Variants in RND1 observed in about 807,000 individuals in gnomAD.
RND1 encodes rho-related GTP-binding protein Rho6.
RND1 carries 9 observed loss-of-function variants against 27.1 expected under a neutral mutation model. The observed-to-expected ratio is 0.33, with a 90% confidence interval of 0.20 to 0.58. The LOEUF (loss-of-function observed/expected upper bound fraction) is 0.58. Ranked by LOEUF, RND1 falls within the 20% of genes least tolerant of loss-of-function variation. RND1 has a pLI of 0.86. For missense variants in RND1, 253 were observed against 292.2 expected, an observed-to-expected ratio of 0.87 and a Z score of 0.98; for synonymous variants, 108 against 115.7, an observed-to-expected ratio of 0.93 and a Z score of 0.43.
chr12:48,859,094 G>A (rs574442842), intron 4 of RND1: 1 of 151,420 alleles, frequency 6.6e-6, no homozygotes, highest in African/African-American at 2.4e-5. Context: ...GAGTAGCTGG[G>A]ACTACAGGCA....
Position 48,857,975 on chromosome 12 carries a change from C to T in RND1, c.*21G>A, listed in dbSNP as rs754874121. 6.4e-7 allele frequency: 1 copy of T among 1,571,338 alleles called. No individual in the cohort carries two copies. The highest frequency in any genetic ancestry group is 8.6e-7 in the Non-Finnish European group (1 of 1,158,324). On this transcript the variant is annotated 3_prime_UTR_variant, in exon 5 of 5. Coordinates refer to ENST00000309739, the MANE Select transcript of RND1 (RefSeq NM_014470.4). Reference sequence around the variant, plus strand: ...CCCAAGGGAGGAAGTAGGGGGTTGTCTCCCCCCTCCAATTTCCACTTCACA... The same window carrying T: ...CCCAAGGGAGGAAGTAGGGGGTTGTTTCCCCCCTCCAATTTCCACTTCACA...
intron 4 of RND1, among the ~76,000 whole-genome samples, chr12:48,860,363 G>A (rs1003810772): frequency 7.9e-5 from 12 of 151,828 alleles, no homozygotes; most frequent in African/African-American, 2.9e-4. Flanking sequence ...GATTACAGGC[G>A]TGAGCCACCG....
intron 1 of RND1, 126 bp from the exon 2 acceptor site, chr12:48,864,996 G>A (rs1337327288): frequency 5.3e-6 from 4 of 761,772 alleles, no homozygotes; most frequent in Non-Finnish European, 9.4e-6. Flanking sequence ...CAGAGGAGAT[G>A]CCTGGGGCAG....
Position 48,857,935 on chromosome 12 carries a change from C to T in RND1, c.*61G>A. The T allele has an allele frequency of 6.5e-7, 1 of 1,528,168 alleles. No homozygotes were observed. Among genetic ancestry groups the T allele is most frequent in the Non-Finnish European group, 8.8e-7 (1 of 1,138,338 alleles). 94.7% of individuals were successfully genotyped at this position (1,528,168 alleles called of 1,614,324 possible). On this transcript the variant is annotated 3_prime_UTR_variant, in exon 5 of 5. Coordinates refer to ENST00000309739, the MANE Select transcript of RND1 (RefSeq NM_014470.4). ...CCTAAATTGTCTCATCCTCCCTCTC[C>T]CCGTGCCTCTGCACCCCAAGGGAGG... is the stretch of plus-strand genomic sequence containing the variant.
At chr12:48,858,922 A>G (rs926399048) in intron 4 of RND1, 1 of 146,572 alleles carries the variant, frequency 6.8e-6, no homozygotes, top group African/African-American at 2.5e-5. Flanking sequence ...AATTCTGGGT[A>G]TAGAGCCAAG....
Position 48,857,906 on chromosome 12 carries a change from G to T in RND1, c.*90C>A. The T allele has an allele frequency of 8.2e-6, 12 of 1,463,470 alleles. No individual in the cohort carries two copies. Among genetic ancestry groups the T allele is most frequent in the Non-Finnish European group, 1.0e-5 (11 of 1,090,206 alleles). The allele number at this position is 1,463,470 out of a possible 1,614,324, so 90.7% of individuals were successfully genotyped here. ...TGGCCATCTGAAAAACTCATGTCCA[G>T]TGTCCTAAATTGTCTCATCCTCCCT... On this transcript the variant is annotated 3_prime_UTR_variant, in exon 5 of 5. Transcript: ENST00000309739.
rs746520280 is a variant in RND1 at position 48,858,150 on chromosome 12, G to A, written c.545C>T (p.Thr182Met). 29 of 1,614,010 alleles carry A rather than the reference G, an allele frequency of 1.8e-5. No homozygotes were observed. Among genetic ancestry groups the A allele is most frequent in the South Asian group, 1.2e-4 (11 of 91,084 alleles). Residue 182 changes from threonine (T) to methionine (M), a missense_variant, in exon 5 of 5, where the codon ACG (threonine) becomes ATG (methionine). Coordinates refer to ENST00000309739, the MANE Select transcript of RND1 (RefSeq NM_014470.4). ...CTTGTTCAGACACAGCATGGATGCC[G>A]TCCGAAAGATGCTGTGGATGCTCTT... ...SEKSIHSIFR[T>M]ASMLCLNKPS...
rs199774505 is a variant in RND1, at chr12:48,865,797, G to A, written c.-30C>T. The A allele has an allele frequency of 2.6e-6, 4 of 1,559,392 alleles. No individual in the cohort carries two copies. The East Asian group carries it at 6.9e-5, about 27-fold the overall frequency. On this transcript the variant is annotated 5_prime_UTR_variant, in exon 1 of 5. Coordinates refer to ENST00000309739, the MANE Select transcript of RND1 (RefSeq NM_014470.4). Reference sequence around the variant, plus strand: ...GCAGTGTCCGCGGGACTTGAACTTCGATTCAGAAGGGAGGGTTGCGCCAGG... The same window carrying A: ...GCAGTGTCCGCGGGACTTGAACTTCAATTCAGAAGGGAGGGTTGCGCCAGG...
In RND1 at chr12:48,865,843, A is replaced by C. The variant is rs908896684; in HGVS notation, c.-76T>G. 1.3e-6 allele frequency: 2 copies of C among 1,515,360 alleles called. No individual in the cohort carries two copies. The highest frequency in any genetic ancestry group is 1.8e-6 in the Non-Finnish European group (2 of 1,129,070). 93.9% of individuals were successfully genotyped at this position (1,515,360 alleles called of 1,614,324 possible). A position where few individuals can be genotyped will look rare whatever the true frequency, so the allele number is the denominator to read the frequency against. ...CCAGGTGCGTCTCAGCACGCCAATC[A>C]AGCCAGATTCCCTGCCTCCCTCCAA... On this transcript the variant is annotated 5_prime_UTR_variant, in exon 1 of 5. Coordinates refer to ENST00000309739, the MANE Select transcript of RND1 (RefSeq NM_014470.4).
intron 1 of RND1, 59 bp from the exon 2 acceptor site, chr12:48,864,929 G>T: frequency 7.8e-7 from 1 of 1,282,188 alleles, no homozygotes; most frequent in Non-Finnish European, 1.1e-6. Context: ...CCCCTGGTTA[G>T]TGCTGGCTAC....
rs768021613 is a variant in RND1, at chr12:48,865,731, T to C, written c.37A>G (p.Arg13Gly). Residue 13 changes from arginine (R) to glycine (G), a missense_variant, in exon 1 of 5, where the codon AGA becomes GGA. Physicochemically the swap from Arg to Gly is moderately radical, Grantham distance 125. Transcript: ENST00000309739. ...ERRAPQPVVA[R>G]CKLVLVGDVQ... is the part of the protein sequence containing the mutation. Reference sequence around the variant, plus strand: ...TCCCCGACCAGAACGAGCTTACATCTGGCCACGACTGGCTGGGGGGCCCGT... The same window carrying C: ...TCCCCGACCAGAACGAGCTTACATCCGGCCACGACTGGCTGGGGGGCCCGT... 1.7e-5 allele frequency: 27 copies of C among 1,610,582 alleles called. No individual in the cohort carries two copies. The highest frequency in any genetic ancestry group is 1.9e-5 in the Non-Finnish European group (22 of 1,177,494).
At position 48,857,762 on chromosome 12, in the gene RND1, G is replaced by T; in HGVS notation, c.*234C>A. 1 of 399,030 alleles carries T rather than the reference G, an allele frequency of 2.5e-6. No individual in the cohort carries two copies. Among genetic ancestry groups the T allele is most frequent in the Non-Finnish European group, 4.4e-6 (1 of 228,138 alleles). The allele number at this position is 399,030 out of a possible 1,614,324, so 24.7% of individuals were successfully genotyped here. ...GAGCGGGGGGGGCACTGGGGTAGTC[G>T]CCCCCTCCAAAATCTAGTGCCTGGC... On this transcript the variant is annotated 3_prime_UTR_variant, in exon 5 of 5. Transcript: ENST00000309739.
Position 48,858,198 on chromosome 12 carries a change from T to C in RND1, c.497A>G (p.Glu166Gly). ...CTTTTCTGAGGTGAAAGCTGAGCCT[T>C]CCAGGTAGATTTCTGCACCCAGCTG... Reference protein sequence around the residue: ...AKQLGAEIYLEGSAFTSEKSI... With the variant: ...AKQLGAEIYLGGSAFTSEKSI... Residue 166 changes from glutamate (E) to glycine (G), a missense_variant, in exon 5 of 5, where the codon GAA (glutamate) becomes GGA (glycine). Transcript: ENST00000309739. 1 of 1,613,980 alleles carries C rather than the reference T, an allele frequency of 6.2e-7. No homozygotes were observed. The highest frequency in any genetic ancestry group is 8.5e-7 in the Non-Finnish European group (1 of 1,179,992).
chr12:48,864,416 T>TGC (rs57360089), intron 2 of RND1, among the ~76,000 whole-genome samples: 23 of 135,458 alleles, frequency 1.7e-4, no homozygotes, highest in African/African-American at 2.7e-4. Flanking sequence ...TGTGTGTGTG[T>TGC]GCGCGCGCGC....
intron 2 of RND1, 35 bp from the exon 3 acceptor site, chr12:48,862,153 T>C: frequency 2.9e-6 from 4 of 1,356,470 alleles, no homozygotes; most frequent in Non-Finnish European, 4.2e-6. Context: ...TGGTGAGCCA[T>C]GGTGTTTTCC....
chr12:48,861,947 G>T, intron 3 of RND1, 62 bp downstream of exon 3: 2 of 960,732 alleles, frequency 2.1e-6, no homozygotes, highest in Admixed American at 1.8e-5. Context: ...TTCATGACAA[G>T]GTCCCGATTC....
chr12:48,859,567 G>C (rs1938891241), intron 4 of RND1, among the ~76,000 whole-genome samples: 1 of 151,844 alleles, frequency 6.6e-6, no homozygotes, highest in African/African-American at 2.4e-5. Context: ...ATGCACATAA[G>C]AAATTATCCA....
In RND1 at chr12:48,865,803, G is replaced by A. The variant is rs770814844; in HGVS notation, c.-36C>T. 1 of 1,554,194 alleles carries A rather than the reference G, an allele frequency of 6.4e-7. No homozygotes were observed. The highest frequency in any genetic ancestry group is 1.2e-5 in the South Asian group (1 of 82,454). On this transcript the variant is annotated 5_prime_UTR_variant, in exon 1 of 5. Transcript: ENST00000309739. ...TCCGCGGGACTTGAACTTCGATTCA[G>A]AAGGGAGGGTTGCGCCAGGTGCGTC... is the stretch of plus-strand genomic sequence containing the variant.
At chr12:48,860,557 ATT>A (rs34655698) in intron 4 of RND1, among the ~76,000 whole-genome samples, 5,593 of 70,694 alleles carry the variant, frequency 0.079, 546 homozygotes, top group East Asian at 0.58. Flanking sequence ...ACACCCAGCT[ATT>A]TTTTTTTTTT....
Sources: allele counts gnomAD v4.1 joint callset (sites outside exome capture counted in the v4.1 genomes callset), GRCh38; gene constraint gnomAD v4.1.1; transcripts MANE v1.5; gene names NCBI Gene and HGNC (gene_info 2026-07-23, HGNC 2026-07-21).